Variants in MOBP observed in about 807,000 individuals in gnomAD.
The protein encoded by MOBP is myelin associated oligodendrocyte basic protein.
In MOBP, 5 loss-of-function variants were observed where a neutral mutation model predicts 15.0. That is an observed-to-expected ratio of 0.33 (90% CI 0.17 to 0.70). The LOEUF (loss-of-function observed/expected upper bound fraction) is 0.70, where lower values mean the gene tolerates loss of function less well. Among genes scored for constraint, MOBP ranks in the 30% least tolerant of loss-of-function variants. The probability of loss-of-function intolerance (pLI) is 0.67; values close to 1 mark genes in which losing one functional copy is unlikely to be tolerated. For missense variants in MOBP, 188 were observed against 257.8 expected, an observed-to-expected ratio of 0.73 and a Z score of 1.85; for synonymous variants, 88 against 99.0, an observed-to-expected ratio of 0.89 and a Z score of 0.66.
In MOBP at chr3:39,496,685, C is replaced by T. The variant is rs533630588; in HGVS notation, c.-4-5381C>T. 2.4e-3 allele frequency among the ~76,000 whole-genome samples: 353 copies of T among 148,070 alleles called. 1 individual carries two copies. Among genetic ancestry groups the T allele is most frequent in the African/African-American group, 8.3e-3 (331 of 40,096 alleles). The stretch of plus-strand genomic sequence containing the variant: ...ATTTTTTTTTTTCTTTTTTTTGAGA[C>T]GGAGTTTCGCTCTTGTTGCCCAGGC... On this transcript the variant is annotated intron_variant, in intron 2 of 3. Transcript: ENST00000684792.
chr3:39,492,894 AG>A (rs2042820418), intron 2 of MOBP, among the ~76,000 whole-genome samples: 4 of 152,214 alleles, frequency 2.6e-5, no homozygotes, highest in African/African-American at 9.7e-5. Context: ...GCCGAGTGAA[AG>A]AATTGAAGAC....
chr3:39,509,090 T>TTG (rs750523209), intron 4 of MOBP, among the ~76,000 whole-genome samples: 4 of 90,118 alleles, frequency 4.4e-5, no homozygotes, highest in African/African-American at 1.6e-4. Context: ...GTGAGAGTGT[T>TTG]TGTGTGTGTG....
chr3:39,485,792 T>G lies in MOBP; in HGVS notation c.-5+5669T>G, dbSNP rs79787865. Among the ~76,000 whole-genome samples, 663 of 152,328 alleles carry G rather than the reference T, an allele frequency of 4.4e-3. 2 individuals are homozygous for G. Among genetic ancestry groups the G allele is most frequent in the African/African-American group, 0.015 (620 of 41,570 alleles). On this transcript the variant is annotated intron_variant, in intron 2 of 3. Coordinates refer to ENST00000684792, the MANE Select transcript of MOBP (RefSeq NM_001393704.1). Reference sequence around the variant, plus strand: ...CCCTACCTGACGTCATTTCCCCTGTTTTTGAGGATCAATCAAGATGGACAC... The same window carrying G: ...CCCTACCTGACGTCATTTCCCCTGTGTTTGAGGATCAATCAAGATGGACAC...
intron 3 of MOBP, among the ~76,000 whole-genome samples, chr3:39,521,444 C>T (rs2043265573): frequency 6.6e-6 from 1 of 152,072 alleles, no homozygotes; most frequent in African/African-American, 2.4e-5. Flanking sequence ...AAATCTGAGC[C>T]CCCGTTTAAA....
chr3:39,495,846 A>C (rs924877891), intron 2 of MOBP, among the ~76,000 whole-genome samples: 5 of 151,940 alleles, frequency 3.3e-5, no homozygotes, highest in African/African-American at 1.2e-4. Context: ...AAAGACAAGA[A>C]AACCACTTCC....
chr3:39,513,296 A>T, intron 4 of MOBP: 1 of 1,250,944 alleles, frequency 8.0e-7, no homozygotes, highest in Non-Finnish European at 1.1e-6. Flanking sequence ...CAAAATCCAC[A>T]ATTATACTAA....
At chr3:39,522,469 C>T (rs1396511131) in intron 3 of MOBP, among the ~76,000 whole-genome samples, 5 of 152,104 alleles carry the variant, frequency 3.3e-5, no homozygotes, top group Non-Finnish European at 5.9e-5. Flanking sequence ...TTGATATGGA[C>T]AACTGTTGTT....
chr3:39,493,172 A>G (rs1381676176), intron 2 of MOBP, among the ~76,000 whole-genome samples: 2 of 152,194 alleles, frequency 1.3e-5, no homozygotes, highest in Non-Finnish European at 1.5e-5. Context: ...GGGTGGGAAG[A>G]AGGGCAAAAA....
intron 3 of MOBP, among the ~76,000 whole-genome samples, chr3:39,523,578 A>T (rs2043295085): frequency 6.6e-6 from 1 of 152,132 alleles, no homozygotes; most frequent in African/African-American, 2.4e-5. Flanking sequence ...TTTTATTTTT[A>T]AAAGAAATCA....
intron 2 of MOBP, among the ~76,000 whole-genome samples, chr3:39,496,187 T>C (rs1000256462): frequency 7.5e-6 from 1 of 134,118 alleles, no homozygotes; most frequent in East Asian, 2.1e-4. Flanking sequence ...TTATTTTCTT[T>C]TTCTTTTTTT....
intron 2 of MOBP, among the ~76,000 whole-genome samples, chr3:39,490,666 G>A (rs1293532620): frequency 3.9e-5 from 6 of 152,214 alleles, no homozygotes; most frequent in South Asian, 2.1e-4. Context: ...GGGCTCAAGC[G>A]ATTCTCATGC....
At chr3:39,488,204 CT>C (rs772268217) in intron 2 of MOBP, among the ~76,000 whole-genome samples, 4 of 152,136 alleles carry the variant, frequency 2.6e-5, no homozygotes, top group Non-Finnish European at 5.9e-5. Flanking sequence ...GGCTGTAAAT[CT>C]CATTTTTATG....
chr3:39,521,913 C>T (rs2043273183), intron 3 of MOBP, among the ~76,000 whole-genome samples: 1 of 152,322 alleles, frequency 6.6e-6, no homozygotes, highest in East Asian at 1.9e-4. Flanking sequence ...TGCGCATAAC[C>T]TGTGTTGACA....
At chr3:39,489,398 C>T (rs1167335364) in intron 2 of MOBP, among the ~76,000 whole-genome samples, 2 of 152,180 alleles carry the variant, frequency 1.3e-5, no homozygotes, top group African/African-American at 4.8e-5. Flanking sequence ...TTGTCTTACT[C>T]ACCACTGGCA....
chr3:39,511,357 G>C (rs142266489), intron 4 of MOBP, among the ~76,000 whole-genome samples: 2 of 152,312 alleles, frequency 1.3e-5, no homozygotes, highest in African/African-American at 4.8e-5. Context: ...CCTCTATTCA[G>C]CTATGTGGGC....
chr3:39,477,005 A>G (rs901911097), intron 1 of MOBP, among the ~76,000 whole-genome samples: 3 of 151,918 alleles, frequency 2.0e-5, no homozygotes, highest in African/African-American at 2.4e-5. Context: ...ATTACCAGAG[A>G]CACTCTGACC....
exon 5 of MOBP, chr3:39,513,624 TG>T (rs1485788263): frequency 1.7e-6 from 1 of 600,560 alleles, no homozygotes; most frequent in Non-Finnish European, 3.0e-6. Context: ...GGGCTATCTC[TG>T]TGTGTTGTAC....
downstream of MOBP, chr3:39,527,082 T>A (rs1404254810): frequency 6.6e-6 from 1 of 152,174 alleles, no homozygotes; most frequent in Non-Finnish European, 1.5e-5. Flanking sequence ...CGGACCATGA[T>A]GCAGATTTCA....
chr3:39,507,572 G>A (rs73070301), downstream of MOBP, among the ~76,000 whole-genome samples: 7 of 152,304 alleles, frequency 4.6e-5, no homozygotes, highest in Admixed American at 6.5e-5. Context: ...GAGAATGAGC[G>A]AGCTAGAAGT....
Sources: allele counts gnomAD v4.1 joint callset (sites outside exome capture counted in the v4.1 genomes callset), GRCh38; gene constraint gnomAD v4.1.1; transcripts MANE v1.5; gene names NCBI Gene and HGNC (gene_info 2026-07-23, HGNC 2026-07-21).